Variants in CAST observed in about 807,000 individuals in gnomAD.
The protein encoded by CAST is MIR583 host.
Under a neutral mutation model 119.6 loss-of-function variants are expected in CAST, and 76 were observed. The ratio of observed to expected loss-of-function variants is 0.64; its 90% CI spans 0.53 to 0.77. The LOEUF (loss-of-function observed/expected upper bound fraction) is 0.77. CAST is among the 30% of genes least tolerant of loss of function. The pLI is 0.00. For missense variants in CAST, 953 were observed against 946.5 expected (o/e 1.01, Z -0.09); for synonymous variants, 319 against 331.6 (o/e 0.96, Z 0.41).
At chr5:96,663,955 AAT>A in intron 1 of CAST, among the ~76,000 whole-genome samples, 1 of 150,970 alleles carries the variant, frequency 6.6e-6, no homozygotes, top group Non-Finnish European at 1.5e-5. Context: ...AAAAAAAAAA[AAT>A]CACACACAGG....
chr5:96,361,271 C>A, the CAST span, among the ~76,000 whole-genome samples: 6 of 152,266 alleles, frequency 3.9e-5, no homozygotes, highest in South Asian at 2.1e-4. Context: ...CTGGGCTCTG[C>A]GGGGGTGGGG....
chr5:96,458,054 T>C, the CAST span, among the ~76,000 whole-genome samples: 2 of 152,198 alleles, frequency 1.3e-5, no homozygotes, highest in Non-Finnish European at 2.9e-5. Flanking sequence ...TCTGTTTTCA[T>C]ATAGAGCAGA....
the CAST span, among the ~76,000 whole-genome samples, chr5:96,502,653 TTTCTTTCTTTC>T: frequency 1.0e-4 from 13 of 124,526 alleles, no homozygotes; most frequent in African/African-American, 3.4e-4. Context: ...TCTTTCTTTC[TTTCTTTCTTTC>T]TTCTATCCAT....
chr5:96,191,885 TA>T, the CAST span, among the ~76,000 whole-genome samples: 2 of 152,196 alleles, frequency 1.3e-5, no homozygotes, highest in African/African-American at 4.8e-5. Flanking sequence ...GGAATTTTTT[TA>T]AAAAATAAAG....
the CAST span, among the ~76,000 whole-genome samples, chr5:96,226,755 G>T: frequency 1.3e-5 from 2 of 152,120 alleles, no homozygotes; most frequent in East Asian, 3.9e-4. Context: ...TGATTTCTAG[G>T]TTTAACTTTC....
chr5:96,406,367 C>G, the CAST span, among the ~76,000 whole-genome samples: 1 of 152,144 alleles, frequency 6.6e-6, no homozygotes, highest in African/African-American at 2.4e-5. Context: ...TGTCTTTTGT[C>G]CATCTACTTC....
intron 1 of CAST, among the ~76,000 whole-genome samples, chr5:96,615,788 G>A (rs1431737838): frequency 6.6e-6 from 1 of 152,150 alleles, no homozygotes; most frequent in African/African-American, 2.4e-5. Context: ...AAGTGTAAAT[G>A]TTCTGGTATT....
the CAST span, among the ~76,000 whole-genome samples, chr5:96,053,677 A>T: frequency 1.6e-4 from 25 of 152,202 alleles, no homozygotes; most frequent in Admixed American, 1.6e-3. Context: ...CTTTTCACAG[A>T]TACATTTCAT....
At chr5:96,735,940 C>A (rs565874435) in intron 9 of CAST, among the ~76,000 whole-genome samples, 25 of 152,274 alleles carry the variant, frequency 1.6e-4, no homozygotes, top group African/African-American at 5.5e-4. Flanking sequence ...ACTGTGTAAC[C>A]TGAGGAAAGT....
chr5:96,730,481 G>C (rs913902519), intron 8 of CAST, among the ~76,000 whole-genome samples: 35 of 152,132 alleles, frequency 2.3e-4, no homozygotes, highest in African/African-American at 8.2e-4. Context: ...GTAAGAGTGA[G>C]CTCACGTGGC....
the CAST span, among the ~76,000 whole-genome samples, chr5:95,974,729 C>A: frequency 6.6e-6 from 1 of 152,226 alleles, no homozygotes; most frequent in African/African-American, 2.4e-5. Flanking sequence ...TTTCCTTACT[C>A]TGATAAGCTT....
At chr5:96,535,636 C>T (rs943892850) in intron 1 of CAST, among the ~76,000 whole-genome samples, 1 of 137,966 alleles carries the variant, frequency 7.2e-6, no homozygotes, top group Admixed American at 8.2e-5. Flanking sequence ...TGCAGTGGCG[C>T]GATCTCGGCT....
At chr5:96,210,833 G>C in the CAST span, among the ~76,000 whole-genome samples, 1 of 151,838 alleles carries the variant, frequency 6.6e-6, no homozygotes, top group African/African-American at 2.4e-5. Context: ...TCTCTATTTA[G>C]ATTTTTTTTA....
At chr5:96,220,656 C>T in the CAST span, among the ~76,000 whole-genome samples, 1 of 152,202 alleles carries the variant, frequency 6.6e-6, no homozygotes, top group Non-Finnish European at 1.5e-5. Context: ...AGACATCACT[C>T]AGTTGGAGCT....
the CAST span, among the ~76,000 whole-genome samples, chr5:96,358,016 T>C: frequency 1.3e-5 from 2 of 152,242 alleles, no homozygotes; most frequent in Admixed American, 6.5e-5. Context: ...GAACTTGTTA[T>C]TGGTCTATTC....
At chr5:96,285,215 A>G in the CAST span, among the ~76,000 whole-genome samples, 25 of 152,324 alleles carry the variant, frequency 1.6e-4, no homozygotes, top group African/African-American at 6.0e-4. Context: ...CACAGACTAA[A>G]GTTCCTGCTT....
intron 3 of CAST, among the ~76,000 whole-genome samples, chr5:96,710,591 T>C (rs1755920996): frequency 6.6e-6 from 1 of 152,186 alleles, no homozygotes; most frequent in African/African-American, 2.4e-5. Context: ...TGAGCTACAG[T>C]GTTAATGCTT....
chr5:96,131,255 T>C, the CAST span, among the ~76,000 whole-genome samples: 1 of 152,052 alleles, frequency 6.6e-6, no homozygotes, highest in Non-Finnish European at 1.5e-5. Flanking sequence ...TTTTAAGTGA[T>C]GAAAGAAAAT....
At chr5:96,136,812 A>G in the CAST span, among the ~76,000 whole-genome samples, 2 of 152,142 alleles carry the variant, frequency 1.3e-5, no homozygotes, top group Non-Finnish European at 2.9e-5. Context: ...CATTATATAT[A>G]TGATATCAGA....
Sources: allele counts gnomAD v4.1 joint callset (sites outside exome capture counted in the v4.1 genomes callset), GRCh38; gene constraint gnomAD v4.1.1; transcripts MANE v1.5; gene names NCBI Gene and HGNC (gene_info 2026-07-23, HGNC 2026-07-21).